Variants in RASAL2 observed in about 807,000 individuals in gnomAD.
RASAL2 encodes the protein ras GTPase-activating protein nGAP.
In RASAL2, 58 loss-of-function variants were observed where a neutral mutation model predicts 128.9. The ratio of observed to expected loss-of-function variants is 0.45; its 90% CI spans 0.36 to 0.56. The LOEUF (loss-of-function observed/expected upper bound fraction) is 0.56. Among genes scored for constraint, RASAL2 ranks in the 20% least tolerant of loss-of-function variants. The pLI is 0.00. For missense variants in RASAL2, 1,360 were observed against 1,601.6 expected (o/e 0.85, Z 2.57); for synonymous variants, 561 against 580.8 (o/e 0.97, Z 0.49).
chr1:178,106,081 G>C (rs1659076647), intron 1 of RASAL2, among the ~76,000 whole-genome samples: 2 of 152,152 alleles, frequency 1.3e-5, no homozygotes, highest in Non-Finnish European at 2.9e-5. Context: ...ATTATTGTTA[G>C]GAGTTAATCT....
At chr1:178,143,857 A>G (rs532088437) in intron 1 of RASAL2, among the ~76,000 whole-genome samples, 1 of 152,174 alleles carries the variant, frequency 6.6e-6, no homozygotes, top group East Asian at 1.9e-4. Context: ...GCAGTCAAGT[A>G]TCTAAAGCAA....
rs141013248 is a variant in RASAL2 at position 178,287,486 on chromosome 1, A to G, written c.330+3795A>G. ...TAAAAATATAATCCTACTCCTGGCT[A>G]TCTACCCAGAGGAAAATAAGTCGTT... On this transcript the variant is annotated intron_variant, in intron 2 of 17. Transcript: ENST00000367649. Among the ~76,000 whole-genome samples, 206 of 152,256 alleles carry G rather than the reference A, an allele frequency of 1.4e-3. 1 individual carries two copies. The highest frequency in any genetic ancestry group is 4.8e-3 in the African/African-American group (200 of 41,558).
chr1:178,158,258 C>G (rs192903217), intron 1 of RASAL2, among the ~76,000 whole-genome samples: 11 of 152,240 alleles, frequency 7.2e-5, no homozygotes, highest in Admixed American at 7.2e-4. Flanking sequence ...AAGGAATAGG[C>G]TTTGGAATTA....
intron 1 of RASAL2, among the ~76,000 whole-genome samples, chr1:178,220,673 T>C (rs1663584310): frequency 6.6e-6 from 1 of 152,256 alleles, no homozygotes; most frequent in Non-Finnish European, 1.5e-5. Flanking sequence ...TCATACAGTA[T>C]GTAGCCTTTT....
At chr1:178,418,335 A>G (rs548464158) in intron 4 of RASAL2, among the ~76,000 whole-genome samples, 2 of 152,322 alleles carry the variant, frequency 1.3e-5, no homozygotes, top group African/African-American at 4.8e-5. Context: ...TGAGAAAATC[A>G]TAAGGAAAAG....
chr1:178,140,707 T>A (rs73049397), intron 1 of RASAL2, among the ~76,000 whole-genome samples: 2,054 of 152,306 alleles, frequency 0.013, 48 homozygotes, highest in African/African-American at 0.046. Flanking sequence ...AGTTTATACA[T>A]TTAGCTGTTA....
chr1:178,422,122 A>C (rs574348188), intron 5 of RASAL2, among the ~76,000 whole-genome samples: 1 of 152,082 alleles, frequency 6.6e-6, no homozygotes, highest in Non-Finnish European at 1.5e-5. Context: ...TTGGGAGACA[A>C]GATTTTTTTT....
At chr1:178,126,884 T>G (rs920388868) in intron 1 of RASAL2, among the ~76,000 whole-genome samples, 7 of 152,238 alleles carry the variant, frequency 4.6e-5, no homozygotes, top group African/African-American at 1.7e-4. Flanking sequence ...TCCAGTCTGC[T>G]GCCTCATGAC....
intron 1 of RASAL2, among the ~76,000 whole-genome samples, chr1:178,247,187 A>G (rs1039566102): frequency 1.3e-5 from 2 of 152,132 alleles, no homozygotes; most frequent in Non-Finnish European, 2.9e-5. Flanking sequence ...CTGTGGATCC[A>G]TCTGGTCCTG....
intron 1 of RASAL2, among the ~76,000 whole-genome samples, chr1:178,185,116 T>G (rs1662245256): frequency 6.6e-6 from 1 of 151,954 alleles, no homozygotes; most frequent in South Asian, 2.1e-4. Flanking sequence ...TTTTTGTTTT[T>G]TTTTTTTTAA....
chr1:178,275,987 A>G (rs1290179257), intron 1 of RASAL2, among the ~76,000 whole-genome samples: 1 of 152,204 alleles, frequency 6.6e-6, no homozygotes, highest in Non-Finnish European at 1.5e-5. Context: ...ATTTATGGTA[A>G]TGTAAGGATT....
intron 3 of RASAL2, among the ~76,000 whole-genome samples, chr1:178,339,339 A>G (rs533462630): frequency 1.1e-4 from 17 of 152,354 alleles, no homozygotes; most frequent in African/African-American, 3.1e-4. Flanking sequence ...TTCAATGTCT[A>G]TGAACCCATA....
At chr1:178,364,937 A>G (rs1321077994) in intron 3 of RASAL2, among the ~76,000 whole-genome samples, 1 of 152,140 alleles carries the variant, frequency 6.6e-6, no homozygotes, top group African/African-American at 2.4e-5. Flanking sequence ...TAGCTTTAGT[A>G]TTTAAAGAAT....
At chr1:178,243,771 A>G (rs528092003) in intron 1 of RASAL2, among the ~76,000 whole-genome samples, 2 of 152,060 alleles carry the variant, frequency 1.3e-5, no homozygotes, top group Non-Finnish European at 2.9e-5. Flanking sequence ...CTAGCAAATC[A>G]GCCATTTTTC....
intron 1 of RASAL2, among the ~76,000 whole-genome samples, chr1:178,162,204 A>C (rs1661329719): frequency 6.8e-6 from 1 of 146,586 alleles, no homozygotes; most frequent in Non-Finnish European, 1.5e-5. Flanking sequence ...TGATCTCGTG[A>C]TCTGCCCGCG....
intron 1 of RASAL2, among the ~76,000 whole-genome samples, chr1:178,115,720 G>A (rs540687707): frequency 3.3e-5 from 5 of 152,328 alleles, no homozygotes; most frequent in Non-Finnish European, 1.5e-5. Context: ...CTCTGGTTGT[G>A]GTGTAGAAAA....
chr1:178,353,952 C>T (rs1311959692), intron 3 of RASAL2, among the ~76,000 whole-genome samples: 1 of 148,874 alleles, frequency 6.7e-6, no homozygotes, highest in Non-Finnish European at 1.5e-5. Flanking sequence ...GCTTGGGTGA[C>T]AAAAATGAAA....
At chr1:178,280,787 A>T (rs938545477) in intron 1 of RASAL2, among the ~76,000 whole-genome samples, 7 of 152,108 alleles carry the variant, frequency 4.6e-5, no homozygotes, top group Non-Finnish European at 1.0e-4. Flanking sequence ...TGTGATTCTA[A>T]GTTAGTTATT....
intron 3 of RASAL2, among the ~76,000 whole-genome samples, chr1:178,343,272 C>T (rs546800903): frequency 1.3e-5 from 2 of 152,150 alleles, no homozygotes; most frequent in Admixed American, 6.5e-5. Context: ...TTACTCCTCT[C>T]GGCTATATCG....
Sources: allele counts gnomAD v4.1 joint callset (sites outside exome capture counted in the v4.1 genomes callset), GRCh38; gene constraint gnomAD v4.1.1; transcripts MANE v1.5; gene names NCBI Gene and HGNC (gene_info 2026-07-23, HGNC 2026-07-21).